Variants in TBCE observed in about 807,000 individuals in gnomAD.
TBCE encodes the protein tubulin folding cofactor E, also known as tubulin-specific chaperone E.
Under a neutral mutation model 77.0 loss-of-function variants are expected in TBCE, and 53 were observed. The observed-to-expected ratio is 0.69, with a 90% CI of 0.55 to 0.87. The LOEUF (loss-of-function observed/expected upper bound fraction) is 0.87, where lower values mean the gene tolerates loss of function less well. Among genes scored for constraint, TBCE ranks in the 40% least tolerant of loss-of-function variants. TBCE has a pLI of 0.00. For synonymous variants in TBCE, 235 were observed against 241.3 expected (o/e 0.97, Z 0.24); for missense variants, 624 against 622.4 (o/e 1.00, Z -0.03).
chr1:235,419,634 T>C (rs1680287616), intron 5 of TBCE, 73 bp downstream of exon 5: 3 of 1,593,204 alleles, frequency 1.9e-6, no homozygotes, highest in Non-Finnish European at 2.6e-6. Context: ...GACTGCTAAT[T>C]GCCTACCCAT....
chr1:235,406,488 G>A (rs996349778), intron 3 of TBCE, among the ~76,000 whole-genome samples: 1 of 152,198 alleles, frequency 6.6e-6, no homozygotes, highest in Admixed American at 6.5e-5. Context: ...AGACTAGATC[G>A]TCTTTGGTAT....
rs867868868 is a variant in TBCE, at chr1:235,392,409, T to C, written c.101-9094T>C. ...CAAATTGCTGAACAGAATTTTTTTT[T>C]TTTTTTTTTTTTTTTTTTTAGACAG... On this transcript the variant is annotated intron_variant, in intron 2 of 16. Transcript: ENST00000642610. 9.0e-5 allele frequency among the ~76,000 whole-genome samples: 12 copies of C among 133,814 alleles called. 1 individual carries two copies. The highest frequency in any genetic ancestry group is 1.1e-4 in the Non-Finnish European group (7 of 63,144). 87.8% of individuals were successfully genotyped at this position (133,814 alleles called of 152,430 possible).
intron 1 of TBCE, among the ~76,000 whole-genome samples, chr1:235,376,097 C>T (rs143122533): frequency 1.1e-3 from 168 of 152,086 alleles, no homozygotes; most frequent in African/African-American, 3.8e-3. Flanking sequence ...TAATTACTGA[C>T]CTTAGACCTT....
intron 2 of TBCE, among the ~76,000 whole-genome samples, chr1:235,400,987 A>G (rs1679069925): frequency 6.7e-6 from 1 of 150,162 alleles, no homozygotes; most frequent in South Asian, 2.1e-4. Flanking sequence ...TACAGGCGTA[A>G]GCCACTGTGC....
intron 1 of TBCE, among the ~76,000 whole-genome samples, chr1:235,378,047 AGT>A (rs1162064704): frequency 6.6e-6 from 1 of 152,194 alleles, no homozygotes; most frequent in Admixed American, 6.6e-5. Context: ...GTTTGTGGGT[AGT>A]CAGTAATGTA....
At chr1:235,376,233 G>A (rs1677289875) in intron 1 of TBCE, among the ~76,000 whole-genome samples, 1 of 152,140 alleles carries the variant, frequency 6.6e-6, no homozygotes, top group African/African-American at 2.4e-5. Flanking sequence ...ACCTACAGAT[G>A]TTAGATTAAT....
At chr1:235,374,217 A>G (rs1677153362) in intron 1 of TBCE, among the ~76,000 whole-genome samples, 1 of 145,782 alleles carries the variant, frequency 6.9e-6, no homozygotes, top group Middle Eastern at 3.6e-3. Context: ...CGGCCTCCCA[A>G]AGTACTGGGA....
intron 3 of TBCE, among the ~76,000 whole-genome samples, chr1:235,407,089 A>G (rs1323702923): frequency 6.6e-6 from 1 of 151,216 alleles, no homozygotes; most frequent in East Asian, 1.9e-4. Context: ...TTGGCCTCCC[A>G]AAGTGCTGGG....
At position 235,449,525 on chromosome 1, in the gene TBCE, C is replaced by G. The variant is rs1682763681; in HGVS notation, c.*763C>G. On this transcript the variant is annotated 3_prime_UTR_variant, in exon 17 of 17. Transcript: ENST00000642610. ...AAAAACTATGAGTACTAAACTGTGA[C>G]CTTCAGGATTTATGTTAGATGGCAG... The G allele has an allele frequency of 6.6e-6, 1 of 152,394 alleles. No individual in the cohort carries two copies. Among genetic ancestry groups the G allele is most frequent in the Non-Finnish European group, 1.5e-5 (1 of 68,212 alleles). 9.4% of individuals were successfully genotyped at this position (152,394 alleles called of 1,614,324 possible).
intron 15 of TBCE, among the ~76,000 whole-genome samples, chr1:235,447,978 G>A (rs6429096): frequency 0.76 from 114,899 of 151,588 alleles, 44,487 homozygotes; most frequent in African/African-American, 0.93. Flanking sequence ...TGGGGGGCCA[G>A]GGCGGGCGGA....
At chr1:235,407,376 G>A (rs374876275) in intron 3 of TBCE, among the ~76,000 whole-genome samples, 7 of 152,142 alleles carry the variant, frequency 4.6e-5, no homozygotes, top group Non-Finnish European at 7.4e-5. Flanking sequence ...GTTACCCGCC[G>A]TGTCCTGTCT....
intron 3 of TBCE, among the ~76,000 whole-genome samples, chr1:235,413,584 A>G (rs1269259010): frequency 6.6e-6 from 1 of 151,090 alleles, no homozygotes. Context: ...AACTGCTTGA[A>G]CCCAGGAGGT....
rs369669769 is a variant in TBCE, at chr1:235,436,486, C to T, written c.898+36C>T. On this transcript the variant is annotated intron_variant, in intron 10 of 16. Coordinates refer to ENST00000642610, the MANE Select transcript of TBCE (RefSeq NM_003193.5). ...TTAGTAAAGTTCCCCACTGCCCCCC[C>T]ACACTATACTTCAGCTACTTTCACT... is the stretch of plus-strand genomic sequence containing the variant. 89 of 1,610,500 alleles carry T rather than the reference C, an allele frequency of 5.5e-5. 1 individual carries two copies. The highest frequency in any genetic ancestry group is 7.0e-5 in the Non-Finnish European group (82 of 1,176,724).
rs1682835721 is a variant in TBCE, at chr1:235,450,533, C to T, written c.*1771C>T. 1.7e-6 allele frequency: 1 copy of T among 583,658 alleles called. No homozygotes were observed. The highest frequency in any genetic ancestry group is 2.3e-5 in the South Asian group (1 of 44,350). 36.2% of individuals were successfully genotyped at this position (583,658 alleles called of 1,614,324 possible). A position where few individuals can be genotyped will look rare whatever the true frequency, so the allele number is the denominator to read the frequency against. On this transcript the variant is annotated 3_prime_UTR_variant, in exon 17 of 17. Transcript: ENST00000642610. ...TTGGGAAAGCACCAGGTCCCACAGT[C>T]CTGTGGCTGTGGAATACAGAAACAA...
intron 3 of TBCE, among the ~76,000 whole-genome samples, chr1:235,403,702 TG>T (rs1679254244): frequency 6.6e-6 from 1 of 152,202 alleles, no homozygotes; most frequent in Admixed American, 6.5e-5. Flanking sequence ...GAAATGCTAA[TG>T]GGAAGCCTTG....
At position 235,436,455 on chromosome 1, in the gene TBCE, A is replaced by T. The variant is rs182294717; in HGVS notation, c.898+5A>T. On this transcript the variant is annotated splice_donor_5th_base_variant and intron_variant, in intron 10 of 16. Coordinates refer to ENST00000642610, the MANE Select transcript of TBCE (RefSeq NM_003193.5). ...ATTTTCCGGATGCTGGAATTGGTATATAAGATTAGTAAAGTTCCCCACTGC... is the reference window on the plus strand; with the variant it reads ...ATTTTCCGGATGCTGGAATTGGTATTTAAGATTAGTAAAGTTCCCCACTGC... The T allele has an allele frequency of 1.4e-4, 218 of 1,613,756 alleles. 1 individual carries two copies. The Admixed American group carries it at 3.6e-3, about 27-fold the overall frequency.
intron 1 of TBCE, among the ~76,000 whole-genome samples, chr1:235,376,879 C>G (rs984848960): frequency 6.6e-6 from 1 of 151,896 alleles, no homozygotes; most frequent in African/African-American, 2.4e-5. Context: ...GAGGGTGAGG[C>G]GGAAGAATCG....
intron 2 of TBCE, among the ~76,000 whole-genome samples, chr1:235,394,442 T>TTTC (rs1468176099): frequency 3.1e-5 from 4 of 130,244 alleles, no homozygotes; most frequent in African/African-American, 1.3e-4. Flanking sequence ...TTTTTTTTTT[T>TTTC]TGAGACAGGT....
intron 1 of TBCE, among the ~76,000 whole-genome samples, chr1:235,369,336 G>C (rs370694907): frequency 6.6e-6 from 1 of 150,696 alleles, no homozygotes; most frequent in Non-Finnish European, 1.5e-5. Flanking sequence ...GTGAAACCCC[G>C]TCTCTACTAA....
Sources: allele counts gnomAD v4.1 joint callset (sites outside exome capture counted in the v4.1 genomes callset), GRCh38; gene constraint gnomAD v4.1.1; transcripts MANE v1.5; gene names NCBI Gene and HGNC (gene_info 2026-07-23, HGNC 2026-07-21).